The following ACACB variants were observed in gnomAD, a reference collection of about 807,000 sequenced individuals.
The protein encoded by ACACB is acetyl-CoA carboxylase 2.
A neutral mutation model predicts 278.8 loss-of-function variants in ACACB; 209 were observed. The observed-to-expected ratio is 0.75, with a 90% CI of 0.67 to 0.84. The LOEUF (loss-of-function observed/expected upper bound fraction) is 0.84. Ranked by LOEUF, ACACB falls within the 40% of genes least tolerant of loss-of-function variation. The pLI is 0.00. For missense variants in ACACB, 2,850 were observed against 3,269.0 expected, an observed-to-expected ratio of 0.87 and a Z score of 3.13; for synonymous variants, 1,174 against 1,285.6, an observed-to-expected ratio of 0.91 and a Z score of 1.86.
intron 1 of ACACB, among the ~76,000 whole-genome samples, chr12:109,127,685 G>A (rs542558337): frequency 6.6e-6 from 1 of 152,260 alleles, no homozygotes; most frequent in South Asian, 2.1e-4. Flanking sequence ...AGAGATGACA[G>A]TTGCAATTAT....
At chr12:109,176,110 A>G (rs1190421724) in intron 8 of ACACB, 43 bp from the exon 9 acceptor site, 1 of 1,612,848 alleles carries the variant, frequency 6.2e-7, no homozygotes, top group Admixed American at 1.7e-5. Context: ...GCAGTTGGCA[A>G]CTGGCTAACC....
chr12:109,228,006 C>T (rs1401749004), intron 28 of ACACB, among the ~76,000 whole-genome samples: 1 of 149,266 alleles, frequency 6.7e-6, no homozygotes, highest in Non-Finnish European at 1.5e-5. Flanking sequence ...TGCACTCCAG[C>T]CTGGGCGAAG....
intron 40 of ACACB, among the ~76,000 whole-genome samples, chr12:109,248,760 C>T (rs941091787): frequency 6.6e-6 from 1 of 152,202 alleles, no homozygotes; most frequent in African/African-American, 2.4e-5. Flanking sequence ...GCAACACCCT[C>T]AAAGACACAC....
intron 1 of ACACB, among the ~76,000 whole-genome samples, chr12:109,120,728 AAC>A (rs753680869): frequency 8.5e-5 from 13 of 152,070 alleles, no homozygotes; most frequent in Non-Finnish European, 1.5e-4. Context: ...GGATGAAGAA[AAC>A]ACACCCACAC....
intron 1 of ACACB, among the ~76,000 whole-genome samples, chr12:109,124,960 C>T (rs1479987036): frequency 6.6e-6 from 1 of 152,138 alleles, no homozygotes; most frequent in Non-Finnish European, 1.5e-5. Flanking sequence ...ACGATACTCC[C>T]GCCTTGGCCT....
Position 109,257,319 on chromosome 12 carries a change from T to A in ACACB, c.6264-949T>A, listed in dbSNP as rs139396773. Reference sequence around the variant, plus strand: ...AAATTATATTTTTAAAAGCAAAAAATAAAAAAAAAAAAATCCACTCCTTCT... The same window carrying A: ...AAATTATATTTTTAAAAGCAAAAAAAAAAAAAAAAAAAATCCACTCCTTCT... On this transcript the variant is annotated intron_variant, in intron 45 of 52. Coordinates refer to ENST00000338432, the MANE Select transcript of ACACB (RefSeq NM_001093.4). Among the ~76,000 whole-genome samples, 612 of 138,546 alleles carry A rather than the reference T, an allele frequency of 4.4e-3. 2 individuals carry two copies. The highest frequency in any genetic ancestry group is 7.8e-3 in the Non-Finnish European group (492 of 63,122). 90.9% of individuals were successfully genotyped at this position (138,546 alleles called of 152,430 possible).
intron 36 of ACACB, 86 bp downstream of exon 36, chr12:109,241,367 G>A: frequency 7.2e-7 from 1 of 1,397,060 alleles, no homozygotes; most frequent in Non-Finnish European, 1.0e-6. Flanking sequence ...GATGGCATTT[G>A]GAGGCGGTCT....
chr12:109,136,917 G>C (rs761110216), intron 1 of ACACB, among the ~76,000 whole-genome samples: 1 of 152,190 alleles, frequency 6.6e-6, no homozygotes, highest in Non-Finnish European at 1.5e-5. Context: ...GGGCATCCTT[G>C]TCTTATTCCT....
rs570727721 is a variant in ACACB at position 109,201,795 on chromosome 12, C to T, written c.2913+94C>T. ...AGACAGGTGGACTCAAGGCTGGTAG[C>T]GCTTCTCCTGCCTCCACCTGCAGAC... On this transcript the variant is annotated intron_variant, in intron 19 of 52. Coordinates refer to ENST00000338432, the MANE Select transcript of ACACB (RefSeq NM_001093.4). 1.0e-4 allele frequency: 155 copies of T among 1,485,886 alleles called. 2 individuals are homozygous for T. Among genetic ancestry groups the T allele is most frequent in the Middle Eastern group, 9.8e-4 (4 of 4,092 alleles). 92.0% of individuals were successfully genotyped at this position (1,485,886 alleles called of 1,614,324 possible). A position where few individuals can be genotyped will look rare whatever the true frequency, so the allele number is the denominator to read the frequency against.
intron 22 of ACACB, among the ~76,000 whole-genome samples, chr12:109,214,410 G>A (rs1208233937): frequency 2.0e-5 from 3 of 152,172 alleles, no homozygotes; most frequent in African/African-American, 7.2e-5. Flanking sequence ...CAGCTGTTAG[G>A]GAGAGAGATT....
chr12:109,146,886 G>C (rs1565862321), intron 2 of ACACB, among the ~76,000 whole-genome samples: 1 of 151,962 alleles, frequency 6.6e-6, no homozygotes, highest in Non-Finnish European at 1.5e-5. Context: ...TTTTGCTCAG[G>C]CTGGTCGGAA....
chr12:109,247,132 T>C (rs536940734), intron 39 of ACACB, among the ~76,000 whole-genome samples: 1 of 151,206 alleles, frequency 6.6e-6, no homozygotes, highest in South Asian at 2.1e-4. Flanking sequence ...CAGCTTGCCA[T>C]AAAAGGCAAG....
At chr12:109,221,355 C>T (rs145720466) in intron 24 of ACACB, among the ~76,000 whole-genome samples, 176 of 152,226 alleles carry the variant, frequency 1.2e-3, no homozygotes, top group Middle Eastern at 6.8e-3. Context: ...GCATATTGCT[C>T]AGGAGCTCTG....
chr12:109,190,785 G>A (rs570828429), intron 13 of ACACB, among the ~76,000 whole-genome samples: 28 of 151,608 alleles, frequency 1.8e-4, no homozygotes, highest in Admixed American at 1.2e-3. Context: ...ATACCATCAC[G>A]CTTGGCTGAT....
At chr12:109,140,238 C>T (rs1377095721) in intron 2 of ACACB, among the ~76,000 whole-genome samples, 180 bp downstream of exon 2, 1 of 123,386 alleles carries the variant, frequency 8.1e-6, no homozygotes, top group African/African-American at 2.9e-5. Flanking sequence ...TTCCTTCCTT[C>T]CTTCCTTCCT....
chr12:109,215,867 GCTCACAACAGCCTTGACCTCCT>G (rs1435285953), intron 22 of ACACB, among the ~76,000 whole-genome samples: 1 of 152,110 alleles, frequency 6.6e-6, no homozygotes, highest in Non-Finnish European at 1.5e-5. Flanking sequence ...TGCAATCATA[GCTCACAACAGCCTTGACCTCCT>G]GGGCTCAAGC....
At chr12:109,148,553 GA>G (rs1267234370) in intron 2 of ACACB, among the ~76,000 whole-genome samples, 2 of 152,178 alleles carry the variant, frequency 1.3e-5, no homozygotes, top group Non-Finnish European at 2.9e-5. Context: ...AACCTGTCCT[GA>G]ATTGATGTGA....
chr12:109,255,353 G>C (rs143182534), intron 44 of ACACB, among the ~76,000 whole-genome samples: 1 of 152,170 alleles, frequency 6.6e-6, no homozygotes, highest in Non-Finnish European at 1.5e-5. Context: ...GGTGACCCTC[G>C]GGAGTGTGCT....
At chr12:109,167,044 C>A (rs368898358) in intron 3 of ACACB, 51 bp downstream of exon 3, 2 of 1,609,566 alleles carry the variant, frequency 1.2e-6, no homozygotes, top group African/African-American at 2.7e-5. Context: ...GGTGCAGGGG[C>A]CCCTCCTCTC....
Sources: allele counts gnomAD v4.1 joint callset (sites outside exome capture counted in the v4.1 genomes callset), GRCh38; gene constraint gnomAD v4.1.1; transcripts MANE v1.5; gene names NCBI Gene and HGNC (gene_info 2026-07-23, HGNC 2026-07-21).